Variants in SYNPO2 observed in about 807,000 individuals in gnomAD.
SYNPO2 encodes synaptopodin-2.
SYNPO2 carries 56 observed loss-of-function variants against 85.0 expected under a neutral mutation model. The ratio of observed to expected loss-of-function variants is 0.66; its 90% CI spans 0.53 to 0.82. The LOEUF (loss-of-function observed/expected upper bound fraction) is 0.82. SYNPO2 is among the 40% of genes least tolerant of loss of function. The pLI, the probability that SYNPO2 is intolerant of heterozygous loss-of-function variation, is 0.00. For missense variants in SYNPO2, 1,575 were observed against 1,534.2 expected (o/e 1.03, Z -0.44); for synonymous variants, 602 against 591.1 (o/e 1.02, Z -0.27).
intron 1 of SYNPO2, among the ~76,000 whole-genome samples, chr4:118,977,354 G>A (rs997128621): frequency 9.2e-5 from 14 of 152,330 alleles, no homozygotes; most frequent in South Asian, 6.2e-4. Flanking sequence ...TGCGGGGCCT[G>A]CCAACCCCAC....
At chr4:118,872,976 C>T (rs1465437301) in intron 1 of SYNPO2, among the ~76,000 whole-genome samples, 5 of 152,104 alleles carry the variant, frequency 3.3e-5, no homozygotes, top group Admixed American at 6.5e-5. Flanking sequence ...CCAGTTCCAT[C>T]GATGTTGCTG....
At chr4:119,044,186 T>C (rs1004535061) in intron 4 of SYNPO2, among the ~76,000 whole-genome samples, 3 of 152,314 alleles carry the variant, frequency 2.0e-5, no homozygotes, top group African/African-American at 7.2e-5. Context: ...ATACTTCTGA[T>C]AAAAGATGTT....
intron 1 of SYNPO2, among the ~76,000 whole-genome samples, chr4:118,951,013 G>T (rs1390733735): frequency 6.6e-6 from 1 of 152,146 alleles, no homozygotes; most frequent in Admixed American, 6.5e-5. Flanking sequence ...TATCCTAAAT[G>T]GTGAAACTTG....
intron 1 of SYNPO2, among the ~76,000 whole-genome samples, chr4:119,011,864 C>G (rs913013735): frequency 6.6e-6 from 1 of 150,666 alleles, no homozygotes; most frequent in East Asian, 2.0e-4. Context: ...CCAAAGTAAG[C>G]TTGATATAGT....
rs1418280325 is a variant in SYNPO2, at chr4:119,026,956, T to C, written c.587T>C (p.Val196Ala). Residue 196 changes from valine (V) to alanine (A), a missense_variant, in exon 3 of 5, where the codon GTG becomes GCG. Physicochemically the swap from Val to Ala is moderately conservative, Grantham distance 64. Transcript: ENST00000307142. ...EKVEAVQPGP[V>A]VELQLSLSQE... Reference sequence around the variant, plus strand: ...GTAGAAGCGGTACAGCCTGGGCCTGTGGTTGAGCTGCAACTGTCCCTTTCA... The same window carrying C: ...GTAGAAGCGGTACAGCCTGGGCCTGCGGTTGAGCTGCAACTGTCCCTTTCA... 6.2e-7 allele frequency: 1 copy of C among 1,614,136 alleles called. No individual in the cohort carries two copies. Among genetic ancestry groups the C allele is most frequent in the South Asian group, 1.1e-5 (1 of 91,076 alleles).
intron 1 of SYNPO2, among the ~76,000 whole-genome samples, chr4:118,852,121 A>G (rs2110560020): frequency 6.6e-6 from 1 of 152,364 alleles, no homozygotes; most frequent in East Asian, 1.9e-4. Flanking sequence ...GTATAAAAAA[A>G]GCTCAATATC....
chr4:118,855,779 ACTGT>A (rs1731494943), intron 1 of SYNPO2, among the ~76,000 whole-genome samples: 1 of 152,192 alleles, frequency 6.6e-6, no homozygotes, highest in Non-Finnish European at 1.5e-5. Flanking sequence ...TATCATTTTT[ACTGT>A]CTATTGATTA....
chr4:118,899,379 T>G (rs1003437415), intron 1 of SYNPO2, among the ~76,000 whole-genome samples: 1 of 152,222 alleles, frequency 6.6e-6, no homozygotes, highest in Non-Finnish European at 1.5e-5. Flanking sequence ...ACAAAATGTC[T>G]TTTTATTCTC....
intron 1 of SYNPO2, among the ~76,000 whole-genome samples, chr4:118,916,586 T>C (rs1340865490): frequency 6.6e-6 from 1 of 151,994 alleles, no homozygotes; most frequent in African/African-American, 2.4e-5. Context: ...GTTTTAAAAT[T>C]ATTATTTTAA....
chr4:118,894,451 C>T (rs1732480058), intron 1 of SYNPO2, among the ~76,000 whole-genome samples: 1 of 152,006 alleles, frequency 6.6e-6, no homozygotes, highest in African/African-American at 2.4e-5. Flanking sequence ...AGAGGGGAGA[C>T]TAGCAGTTTA....
intron 1 of SYNPO2, among the ~76,000 whole-genome samples, chr4:118,880,413 AAAT>A (rs1732060819): frequency 1.3e-5 from 2 of 152,196 alleles, no homozygotes; most frequent in African/African-American, 4.8e-5. Context: ...TGGCAGTTCC[AAAT>A]AATCATGATC....
upstream of SYNPO2, among the ~76,000 whole-genome samples, chr4:118,886,998 T>C (rs986339594): frequency 1.1e-4 from 17 of 152,152 alleles, no homozygotes; most frequent in Non-Finnish European, 1.5e-4. Context: ...CATGACAACA[T>C]TGATGAGAAA....
intron 1 of SYNPO2, among the ~76,000 whole-genome samples, chr4:118,954,586 CA>C (rs1408810040): frequency 6.6e-6 from 1 of 152,172 alleles, no homozygotes; most frequent in Non-Finnish European, 1.5e-5. Flanking sequence ...AACTGAGCCA[CA>C]GGGGGAAAAT....
intron 1 of SYNPO2, among the ~76,000 whole-genome samples, chr4:118,860,494 T>C (rs1177889105): frequency 6.6e-6 from 1 of 152,008 alleles, no homozygotes; most frequent in Admixed American, 6.6e-5. Flanking sequence ...TGCACTTGCC[T>C]TGGTCTCCTA....
At chr4:118,939,256 G>T (rs1040217852) in intron 1 of SYNPO2, among the ~76,000 whole-genome samples, 2 of 152,156 alleles carry the variant, frequency 1.3e-5, no homozygotes, top group Non-Finnish European at 2.9e-5. Context: ...CAGTTTAACC[G>T]TCGTGTCCTA....
At chr4:118,885,941 G>A (rs1732191933), upstream of SYNPO2, among the ~76,000 whole-genome samples, 1 of 152,200 alleles carries the variant, frequency 6.6e-6, no homozygotes, top group African/African-American at 2.4e-5. Flanking sequence ...AGGATTTAAA[G>A]CACTGTTAAT....
intron 1 of SYNPO2, among the ~76,000 whole-genome samples, chr4:118,959,098 C>T (rs940099652): frequency 5.3e-5 from 8 of 152,058 alleles, no homozygotes; most frequent in Admixed American, 2.0e-4. Flanking sequence ...GTTGGTAACA[C>T]TCAATCTATT....
At chr4:118,935,931 GA>G (rs1734085218) in intron 1 of SYNPO2, among the ~76,000 whole-genome samples, 1 of 152,316 alleles carries the variant, frequency 6.6e-6, no homozygotes, top group Non-Finnish European at 1.5e-5. Flanking sequence ...GGAGGAAGAG[GA>G]GGGGTTGATT....
At chr4:119,047,588 G>A (rs1181621780) in intron 4 of SYNPO2, among the ~76,000 whole-genome samples, 1 of 152,182 alleles carries the variant, frequency 6.6e-6, no homozygotes, top group Admixed American at 6.5e-5. Flanking sequence ...GAAGGCAAGT[G>A]TTAGGGAATG....
Sources: allele counts gnomAD v4.1 joint callset (sites outside exome capture counted in the v4.1 genomes callset), GRCh38; gene constraint gnomAD v4.1.1; transcripts MANE v1.5; gene names NCBI Gene and HGNC (gene_info 2026-07-23, HGNC 2026-07-21).